ETFA: variants seen among roughly 807,000 people sequenced by gnomAD.
ETFA encodes the protein electron transfer flavoprotein subunit alpha, mitochondrial.
ETFA carries 22 observed loss-of-function variants against 46.2 expected under a neutral mutation model. The ratio of observed to expected loss-of-function variants is 0.48; its 90% CI spans 0.34 to 0.68. ETFA has a LOEUF of 0.68. Among genes scored for constraint, ETFA ranks in the 30% least tolerant of loss-of-function variants. ETFA has a pLI of 0.01. For synonymous variants in ETFA, 131 were observed against 139.9 expected (o/e 0.94, Z 0.45); for missense variants, 345 against 401.1 (o/e 0.86, Z 1.19).
intron 1 of ETFA, among the ~76,000 whole-genome samples, chr15:76,308,129 T>C (rs2039955118): frequency 6.6e-6 from 1 of 152,174 alleles, no homozygotes; most frequent in Admixed American, 6.5e-5. Context: ...AATCCATAAA[T>C]ATGCAAGAAG....
intron 11 of ETFA, among the ~76,000 whole-genome samples, chr15:76,223,081 T>A (rs2038973023): frequency 6.6e-6 from 1 of 152,020 alleles, no homozygotes; most frequent in Admixed American, 6.6e-5. Flanking sequence ...GTGATCCGCC[T>A]TTCCTCGGCC....
chr15:76,250,443 G>A (rs1219065284), intron 9 of ETFA, among the ~76,000 whole-genome samples: 1 of 151,956 alleles, frequency 6.6e-6, no homozygotes, highest in African/African-American at 2.4e-5. Flanking sequence ...TATTCATATT[G>A]AAAAATCTCA....
At chr15:76,292,591 T>C (rs2039777505) in intron 3 of ETFA, 28 bp downstream of exon 3, 2 of 1,594,188 alleles carry the variant, frequency 1.3e-6, no homozygotes, top group African/African-American at 1.3e-5. Flanking sequence ...ATTTAGACAC[T>C]ACATTTTTTT....
At chr15:76,237,504 G>A (rs2039138210) in intron 9 of ETFA, among the ~76,000 whole-genome samples, 1 of 152,194 alleles carries the variant, frequency 6.6e-6, no homozygotes, top group Non-Finnish European at 1.5e-5. Flanking sequence ...ATAAATAAGA[G>A]CTGGGTTCAG....
intron 6 of ETFA, 73 bp downstream of exon 6, chr15:76,286,298 T>C: frequency 1.3e-6 from 1 of 769,880 alleles, no homozygotes; most frequent in Non-Finnish European, 2.2e-6. Flanking sequence ...GCAGAGGTCA[T>C]CTCTTATTAT....
intron 1 of ETFA, among the ~76,000 whole-genome samples, chr15:76,301,483 G>A (rs771000677): frequency 3.3e-5 from 5 of 152,182 alleles, no homozygotes; most frequent in Non-Finnish European, 5.9e-5. Flanking sequence ...GGCCGAGGCC[G>A]ATGGATCACC....
At chr15:76,256,423 G>A (rs1227248563) in intron 9 of ETFA, among the ~76,000 whole-genome samples, 2 of 152,154 alleles carry the variant, frequency 1.3e-5, no homozygotes, top group Non-Finnish European at 2.9e-5. Flanking sequence ...TTGTTTAATA[G>A]TTTGAGTTGC....
chr15:76,277,353 T>A (rs917782561), intron 8 of ETFA, among the ~76,000 whole-genome samples: 1 of 152,146 alleles, frequency 6.6e-6, no homozygotes. Flanking sequence ...TGGCATATTT[T>A]AAAATGGTTC....
intron 4 of ETFA, among the ~76,000 whole-genome samples, chr15:76,291,637 C>T (rs981860629): frequency 2.0e-5 from 3 of 149,896 alleles, no homozygotes; most frequent in African/African-American, 7.4e-5. Context: ...GTAGTCCCAG[C>T]TACTCGGGAG....
chr15:76,311,181 G>C (rs533301645), intron 1 of ETFA, among the ~76,000 whole-genome samples, 169 bp downstream of exon 1: 1 of 152,354 alleles, frequency 6.6e-6, no homozygotes, highest in South Asian at 2.1e-4. Flanking sequence ...GTTCCGCAGG[G>C]AGTCCAGGGT....
chr15:76,291,748 C>CA (rs1219343257), intron 4 of ETFA, among the ~76,000 whole-genome samples: 10 of 150,978 alleles, frequency 6.6e-5, no homozygotes, highest in South Asian at 4.2e-4. Context: ...GACTCCATCT[C>CA]AAAAAAAAGA....
At chr15:76,218,771 C>A (rs2038925312) in intron 11 of ETFA, among the ~76,000 whole-genome samples, 1 of 152,130 alleles carries the variant, frequency 6.6e-6, no homozygotes, top group Non-Finnish European at 1.5e-5. Flanking sequence ...TAAAAAAAGA[C>A]AACCTACTGA....
rs1347023915 is a variant in ETFA at position 76,259,238 on chromosome 15, G to C, written c.816+15174C>G. 5 of 1,556,012 alleles carry C rather than the reference G, an allele frequency of 3.2e-6. No homozygotes were observed. The Admixed American group carries it at 5.0e-5, about 16-fold the overall frequency. Reference sequence around the variant, plus strand: ...CCACAGTGGGCTCCTTGGCTCTCTCGATGTTGATGTATAAGGGGTCCTGGC... The same window carrying C: ...CCACAGTGGGCTCCTTGGCTCTCTCCATGTTGATGTATAAGGGGTCCTGGC... On this transcript the variant is annotated intron_variant, in intron 9 of 11. Transcript: ENST00000557943.
At chr15:76,217,554 G>A in intron 11 of ETFA, 1 of 443,744 alleles carries the variant, frequency 2.3e-6, no homozygotes, top group South Asian at 1.6e-5. Flanking sequence ...GGCCTGAGTT[G>A]GCTCCCATTT....
chr15:76,253,232 T>A (rs535814562), intron 9 of ETFA, among the ~76,000 whole-genome samples: 51 of 152,338 alleles, frequency 3.3e-4, no homozygotes, highest in African/African-American at 1.2e-3. Flanking sequence ...CATGAATCCA[T>A]AAGCATACTA....
At chr15:76,298,048 T>C (rs2039843501) in intron 1 of ETFA, among the ~76,000 whole-genome samples, 1 of 139,028 alleles carries the variant, frequency 7.2e-6, no homozygotes, top group Admixed American at 7.4e-5. Flanking sequence ...ATTAGAGATT[T>C]TTTTTTTTTT....
chr15:76,244,047 A>T (rs2039221411), intron 9 of ETFA, among the ~76,000 whole-genome samples: 1 of 151,954 alleles, frequency 6.6e-6, no homozygotes, highest in Non-Finnish European at 1.5e-5. Flanking sequence ...CACCACTCCC[A>T]GCTAATTTTG....
At chr15:76,257,553 C>G (rs2039357312) in intron 9 of ETFA, among the ~76,000 whole-genome samples, 1 of 152,150 alleles carries the variant, frequency 6.6e-6, no homozygotes, top group South Asian at 2.1e-4. Flanking sequence ...AAGAGGAACA[C>G]TTTTACAATG....
At position 76,306,565 on chromosome 15, in the gene ETFA, G is replaced by GT. The variant is rs1201458042; in HGVS notation, c.39+4784dup. 2.0e-5 allele frequency among the ~76,000 whole-genome samples: 3 copies of GT among 151,508 alleles called. No homozygotes were observed. In the East Asian group the frequency reaches 5.8e-4, roughly 29 times the overall value. ...AGACATGAGCCACTGCACCCAGCCG[G>GT]TTTTTTTGCTTCTTAATTAAAAAAA... is the stretch of plus-strand genomic sequence containing the variant. On this transcript the variant is annotated intron_variant, in intron 1 of 11. Transcript: ENST00000557943.
Sources: gnomAD v4.1 joint callset for allele counts (sites outside exome capture counted in the v4.1 genomes callset) on GRCh38, gnomAD v4.1.1 for gene constraint, MANE v1.5 for transcripts, NCBI Gene and HGNC (gene_info 2026-07-23, HGNC 2026-07-21) for gene names.